ALDH6A1: variants seen among roughly 807,000 people sequenced by gnomAD.
The protein encoded by ALDH6A1 is aldehyde dehydrogenase 6 family member A1, also known as methylmalonate-semialdehyde/malonate-semialdehyde dehydrogenase [acylating], mitochondrial.
A neutral mutation model predicts 62.6 loss-of-function variants in ALDH6A1; 43 were observed. The observed-to-expected ratio is 0.69, with a 90% confidence interval of 0.54 to 0.89. The LOEUF is 0.89. ALDH6A1 is among the 40% of genes least tolerant of loss of function. ALDH6A1 has a pLI of 0.00. For missense variants in ALDH6A1, 551 were observed against 661.3 expected, an observed-to-expected ratio of 0.83 and a Z score of 1.83; for synonymous variants, 194 against 234.2, an observed-to-expected ratio of 0.83 and a Z score of 1.57.
At chr14:74,070,453 C>T (rs1040438024) in intron 6 of ALDH6A1, among the ~76,000 whole-genome samples, 2 of 151,914 alleles carry the variant, frequency 1.3e-5, no homozygotes, top group Non-Finnish European at 2.9e-5. Context: ...TGGGAGGCAG[C>T]GGGTAGAGTG....
At chr14:74,078,106 CT>C in intron 1 of ALDH6A1, 1 of 435,972 alleles carries the variant, frequency 2.3e-6, no homozygotes, top group South Asian at 1.6e-5. Flanking sequence ...TATTTTCACT[CT>C]TTGCTATTCC....
chr14:74,060,271 A>C lies in ALDH6A1; in HGVS notation c.*371T>G. Reference sequence around the variant, plus strand: ...CACTGTGGCCTCCCAAAATGATGGAATTACAGGCGTGAGCCACCGCGCCTG... The same window carrying C: ...CACTGTGGCCTCCCAAAATGATGGACTTACAGGCGTGAGCCACCGCGCCTG... On this transcript the variant is annotated 3_prime_UTR_variant, in exon 12 of 12. Transcript: ENST00000553458. The C allele has an allele frequency of 4.4e-6, 1 of 226,408 alleles. No homozygotes were observed. The highest frequency in any genetic ancestry group is 8.9e-6 in the Non-Finnish European group (1 of 111,816). The allele number at this position is 226,408 out of a possible 1,614,324, so 14.0% of individuals were successfully genotyped here. A position where few individuals can be genotyped will look rare whatever the true frequency, so the allele number is the denominator to read the frequency against.
intron 9 of ALDH6A1, among the ~76,000 whole-genome samples, chr14:74,066,300 T>C (rs1461585239): frequency 6.6e-6 from 1 of 152,204 alleles, no homozygotes; most frequent in East Asian, 1.9e-4. Context: ...AAATGGTTTT[T>C]GCATTTTTAA....
chr14:74,078,674 T>C (rs1419169318), intron 1 of ALDH6A1, among the ~76,000 whole-genome samples: 1 of 152,066 alleles, frequency 6.6e-6, no homozygotes, highest in African/African-American at 2.4e-5. Flanking sequence ...ATTACAGGCA[T>C]GTGCCACCAC....
At chr14:74,072,088 G>C (rs1322049624) in intron 4 of ALDH6A1, 114 bp from the exon 5 acceptor site, 15 of 1,569,384 alleles carry the variant, frequency 9.6e-6, no homozygotes, top group Non-Finnish European at 1.2e-5. Context: ...AGAGAGTCAT[G>C]ATCAACGTCT....
chr14:74,061,624 C>T (rs994608956), intron 11 of ALDH6A1, among the ~76,000 whole-genome samples: 2 of 152,132 alleles, frequency 1.3e-5, no homozygotes, highest in South Asian at 2.1e-4. Flanking sequence ...CTGTACCCAG[C>T]GGCCATTTCT....
chr14:74,066,692 G>T lies in ALDH6A1; in HGVS notation c.1224+13C>A, dbSNP rs1301725981. ...CCTTCAGCTCTCATATTTGTGAAGTGAAAGTTGTTCACCTTGACATTCGAG... is the reference window on the plus strand; with the variant it reads ...CCTTCAGCTCTCATATTTGTGAAGTTAAAGTTGTTCACCTTGACATTCGAG... On this transcript the variant is annotated intron_variant, in intron 9 of 11. Coordinates refer to ENST00000553458, the MANE Select transcript of ALDH6A1 (RefSeq NM_005589.4). 17 of 1,612,624 alleles carry T rather than the reference G, an allele frequency of 1.1e-5. No homozygotes were observed. The highest frequency in any genetic ancestry group is 1.4e-5 in the Non-Finnish European group (17 of 1,178,778).
intron 1 of ALDH6A1, 96 bp downstream of exon 1, chr14:74,084,251 G>A (rs1351540077): frequency 1.3e-6 from 2 of 1,578,158 alleles, no homozygotes; most frequent in Non-Finnish European, 1.7e-6. Context: ...AAAGGGGTTG[G>A]GCCAAGAAGG....
rs886050731 is a variant in ALDH6A1, at chr14:74,072,362, G to A, written c.189C>T (p.Ala63=). 1.2e-6 allele frequency: 2 copies of A among 1,614,140 alleles called. No individual in the cohort carries two copies. Among genetic ancestry groups the A allele is most frequent in the Non-Finnish European group, 1.7e-6 (2 of 1,180,020 alleles). Residue 63 remains alanine, a splice_region_variant and synonymous_variant, in exon 4 of 12, where the codon GCC becomes GCT. Transcript: ENST00000553458. The stretch of plus-strand genomic sequence containing the variant: ...GGACCCGACCAATGACCTCATTGGT[G>A]GCCTGATGAGAAAAATAAGCACATG... ...SDKWIDIHNP[A]TNEVIGRVPQ... is the part of the protein sequence containing the mutation.
In ALDH6A1 at chr14:74,067,435, G is replaced by T; in HGVS notation, c.987C>A (p.Ala329=). The T allele has an allele frequency of 6.2e-7, 1 of 1,614,074 alleles. No homozygotes were observed. Among genetic ancestry groups the T allele is most frequent in the Non-Finnish European group, 8.5e-7 (1 of 1,180,034 alleles). ...CCACCAGCTCTGGCAGCCACTTCTT[G>T]GCTTCTCCCACAAGGACTGCTGTTG... The part of the protein sequence containing the change: ...ALSTAVLVGE[A]KKWLPELVEH... Residue 329 remains alanine, a synonymous_variant, in exon 8 of 12, where the codon GCC becomes GCA. Transcript: ENST00000553458.
intron 6 of ALDH6A1, among the ~76,000 whole-genome samples, chr14:74,070,284 C>T (rs1284411580): frequency 6.6e-6 from 1 of 151,972 alleles, no homozygotes; most frequent in African/African-American, 2.4e-5. Context: ...TTTGGGAGGC[C>T]GAGGCGGGTG....
intron 5 of ALDH6A1, 173 bp from the exon 6 acceptor site, chr14:74,071,670 A>G: frequency 6.6e-7 from 1 of 1,521,378 alleles, no homozygotes; most frequent in Non-Finnish European, 8.8e-7. Flanking sequence ...TCTGAATGGG[A>G]AAAATACAGC....
intron 1 of ALDH6A1, chr14:74,078,396 T>C: frequency 2.8e-6 from 1 of 361,284 alleles, no homozygotes; most frequent in Admixed American, 3.6e-5. Flanking sequence ...TCCTGTCTCC[T>C]AGGCTGGAAT....
Position 74,057,647 on chromosome 14 carries a change from T to A in ALDH6A1, c.*2995A>T. 2 of 1,325,284 alleles carry A rather than the reference T, an allele frequency of 1.5e-6. No homozygotes were observed. Among genetic ancestry groups the A allele is most frequent in the Admixed American group, 2.2e-5 (1 of 45,694 alleles). 82.1% of individuals were successfully genotyped at this position (1,325,284 alleles called of 1,614,324 possible). A position where few individuals can be genotyped will look rare whatever the true frequency, so the allele number is the denominator to read the frequency against. On this transcript the variant is annotated 3_prime_UTR_variant, in exon 12 of 12. Transcript: ENST00000553458. ...AGGCTTATAAGGAGATATGAAATGA[T>A]TTTTTTAAGCCAAGTTTTTCTCTTT... is the stretch of plus-strand genomic sequence containing the variant.
Position 74,072,225 on chromosome 14 carries a change from T to A in ALDH6A1, c.326A>T (p.Gln109Leu). The A allele has an allele frequency of 6.2e-7, 1 of 1,614,206 alleles. No homozygotes were observed. Among genetic ancestry groups the A allele is most frequent in the South Asian group, 1.1e-5 (1 of 91,086 alleles). Residue 109 changes from glutamine (Q) to leucine (L), a missense_variant, in exon 4 of 12, where the codon CAA becomes CTA. By Grantham distance (113) the Gln-to-Leu change is moderately radical. Transcript: ENST00000553458. Reference sequence around the variant, plus strand: ...TACCAAGTTTTCTTTAATAAGTTGTTGATAGCGGAGCAAGACCTGCTGGCG... The same window carrying A: ...TACCAAGTTTTCTTTAATAAGTTGTAGATAGCGGAGCAAGACCTGCTGGCG... ...LSRQQVLLRYQQLIKENLKEI... is the reference protein window; with the variant it reads ...LSRQQVLLRYLQLIKENLKEI...
chr14:74,072,615 A>G lies in ALDH6A1; in HGVS notation c.112-4T>C, dbSNP rs1464474987. On this transcript the variant is annotated splice_polypyrimidine_tract_variant and splice_region_variant and intron_variant, in intron 2 of 11. Coordinates refer to ENST00000553458, the MANE Select transcript of ALDH6A1 (RefSeq NM_005589.4). ...CAATGAAGAGCTTTACAGTTGGCTG[A>G]AAAAAACAAACAAACAAACAAACAA... 11 of 1,610,082 alleles carry G rather than the reference A, an allele frequency of 6.8e-6. No homozygotes were observed. The highest frequency in any genetic ancestry group is 1.4e-5 in the African/African-American group (1 of 73,730).
intron 11 of ALDH6A1, 80 bp from the exon 12 acceptor site, chr14:74,060,826 T>G: frequency 1.0e-6 from 1 of 974,040 alleles, no homozygotes; most frequent in Non-Finnish European, 1.7e-6. Context: ...GAAGGAGGTA[T>G]TATAAAGTGC....
At chr14:74,070,493 T>C (rs1288431035) in intron 6 of ALDH6A1, among the ~76,000 whole-genome samples, 1 of 152,180 alleles carries the variant, frequency 6.6e-6, no homozygotes, top group African/African-American at 2.4e-5. Flanking sequence ...CTCTCCAGTC[T>C]GGGCGACAGA....
In ALDH6A1 at chr14:74,059,392, T is replaced by G. The variant is rs752338979; in HGVS notation, c.*1250A>C. ...CCTAAAATAACTTTTGAAATAATTT[T>G]CTAAGAAAATTATTTGCATCTGGCT... is the stretch of plus-strand genomic sequence containing the variant. On this transcript the variant is annotated 3_prime_UTR_variant, in exon 12 of 12. Coordinates refer to ENST00000553458, the MANE Select transcript of ALDH6A1 (RefSeq NM_005589.4). 2.2e-6 allele frequency: 1 copy of G among 456,098 alleles called. No individual in the cohort carries two copies. The highest frequency in any genetic ancestry group is 1.6e-5 in the South Asian group (1 of 64,468). The allele number at this position is 456,098 out of a possible 1,614,324, so 28.3% of individuals were successfully genotyped here.
Sources: allele counts gnomAD v4.1 joint callset (sites outside exome capture counted in the v4.1 genomes callset), GRCh38; gene constraint gnomAD v4.1.1; transcripts MANE v1.5; gene names NCBI Gene and HGNC (gene_info 2026-07-23, HGNC 2026-07-21).